Variants in KCNN2 observed in about 807,000 individuals in gnomAD.
KCNN2 encodes the protein potassium calcium-activated channel subfamily N member 2.
KCNN2 carries 24 observed loss-of-function variants against 55.5 expected under a neutral mutation model. That is an observed-to-expected ratio of 0.43 (90% CI 0.31 to 0.61). KCNN2 has a LOEUF of 0.61. Ranked by LOEUF, KCNN2 falls within the 20% of genes least tolerant of loss-of-function variation. KCNN2 has a pLI of 0.08. For missense variants in KCNN2, 754 were observed against 853.6 expected (o/e 0.88, Z 1.45); for synonymous variants, 431 against 336.1 (o/e 1.28, Z -3.09).
At chr5:114,094,834 C>G (rs964766258) in intron 1 of KCNN2, among the ~76,000 whole-genome samples, 6 of 152,042 alleles carry the variant, frequency 3.9e-5, no homozygotes, top group Admixed American at 2.0e-4. Flanking sequence ...ACTTAGGGTC[C>G]TCATTATTGA....
chr5:114,069,739 C>T (rs190468135), intron 1 of KCNN2, among the ~76,000 whole-genome samples: 2 of 152,300 alleles, frequency 1.3e-5, no homozygotes, highest in African/African-American at 2.4e-5. Context: ...CTACTCTCAG[C>T]ATCAAGCATG....
intron 2 of KCNN2, among the ~76,000 whole-genome samples, chr5:114,366,322 C>T (rs143524216): frequency 1.0e-3 from 154 of 152,172 alleles, no homozygotes; most frequent in African/African-American, 3.5e-3. Flanking sequence ...TTTTAAAATT[C>T]GGTTTATTTT....
chr5:114,171,472 A>G (rs973716458), intron 1 of KCNN2, among the ~76,000 whole-genome samples: 13 of 151,886 alleles, frequency 8.6e-5, no homozygotes, highest in Non-Finnish European at 1.9e-4. Context: ...TATTCGATTA[A>G]TATTTCTTTT....
intron 2 of KCNN2, among the ~76,000 whole-genome samples, chr5:114,273,800 C>T (rs1258326223): frequency 3.3e-5 from 5 of 152,074 alleles, no homozygotes; most frequent in Non-Finnish European, 7.4e-5. Context: ...CTGTAGGTTG[C>T]CTGTTCACTC....
chr5:114,220,404 A>G (rs923756850), intron 1 of KCNN2, among the ~76,000 whole-genome samples: 3 of 152,172 alleles, frequency 2.0e-5, no homozygotes, highest in Non-Finnish European at 4.4e-5. Flanking sequence ...CAAGAAGATT[A>G]AAGCCAAATT....
chr5:114,315,409 G>A (rs986641369), intron 2 of KCNN2, among the ~76,000 whole-genome samples: 12 of 147,468 alleles, frequency 8.1e-5, no homozygotes, highest in Non-Finnish European at 1.3e-4. Context: ...TACCACCCAT[G>A]GAAGGCAGAA....
At chr5:114,187,587 G>A (rs1414270154) in intron 1 of KCNN2, among the ~76,000 whole-genome samples, 1 of 136,662 alleles carries the variant, frequency 7.3e-6, no homozygotes, top group Non-Finnish European at 1.5e-5. Flanking sequence ...CTCACTGCAA[G>A]CTCCGCCTCC....
At chr5:114,260,711 A>G (rs1461948137) in intron 2 of KCNN2, among the ~76,000 whole-genome samples, 2 of 152,208 alleles carry the variant, frequency 1.3e-5, no homozygotes, top group Admixed American at 1.3e-4. Context: ...TCTGAGAACA[A>G]TTTAGGGATA....
intron 1 of KCNN2, among the ~76,000 whole-genome samples, chr5:114,142,605 C>T (rs1394158162): frequency 6.6e-6 from 1 of 152,118 alleles, no homozygotes; most frequent in East Asian, 1.9e-4. Flanking sequence ...ATCATGAGCT[C>T]CCATTCACAA....
Position 114,418,100 on chromosome 5 carries a change from A to G in KCNN2, c.1637+13244A>G, listed in dbSNP as rs147475837. Among the ~76,000 whole-genome samples, 44 of 152,162 alleles carry G rather than the reference A, an allele frequency of 2.9e-4. No individual in the cohort carries two copies. In the East Asian group the frequency reaches 8.3e-3, roughly 29 times the overall value. On this transcript the variant is annotated intron_variant, in intron 3 of 7. Transcript: ENST00000673685. Reference sequence around the variant, plus strand: ...TAAAGTGTTGAAATTTAACCCTACAAAGGGTCGTTATGAAGAAGATTACTA... The same window carrying G: ...TAAAGTGTTGAAATTTAACCCTACAGAGGGTCGTTATGAAGAAGATTACTA...
chr5:114,403,422 C>T (rs141869348), intron 2 of KCNN2, among the ~76,000 whole-genome samples: 31 of 152,334 alleles, frequency 2.0e-4, no homozygotes, highest in African/African-American at 7.5e-4. Context: ...GCAGCAATGA[C>T]AGTATCTTTG....
intron 1 of KCNN2, among the ~76,000 whole-genome samples, chr5:114,211,254 T>C (rs115271554): frequency 0.042 from 6,419 of 152,176 alleles, 171 homozygotes; most frequent in South Asian, 0.078. Flanking sequence ...TAAAAACACA[T>C]GCACAAGTAT....
At chr5:114,175,257 G>A (rs77232879) in intron 1 of KCNN2, among the ~76,000 whole-genome samples, 1,798 of 152,208 alleles carry the variant, frequency 0.012, 36 homozygotes, top group African/African-American at 0.04. Flanking sequence ...AACTTGCCAC[G>A]TATATGTATT....
chr5:114,098,394 C>G (rs920061336), intron 1 of KCNN2, among the ~76,000 whole-genome samples: 1 of 151,944 alleles, frequency 6.6e-6, no homozygotes. Context: ...AGGAACCAGG[C>G]TGCATGGCAA....
chr5:114,434,161 G>A (rs1395366382), intron 3 of KCNN2, among the ~76,000 whole-genome samples: 1 of 147,890 alleles, frequency 6.8e-6, no homozygotes, highest in Non-Finnish European at 1.5e-5. Flanking sequence ...ATCCTTTTTA[G>A]CATATCAGTT....
At chr5:114,475,658 C>A (rs1252143677) in intron 5 of KCNN2, among the ~76,000 whole-genome samples, 2 of 151,976 alleles carry the variant, frequency 1.3e-5, no homozygotes, top group Non-Finnish European at 2.9e-5. Context: ...ACTGACCACT[C>A]AGAAAATCAG....
chr5:114,273,050 T>C (rs1158030265), intron 2 of KCNN2, among the ~76,000 whole-genome samples: 1 of 151,986 alleles, frequency 6.6e-6, no homozygotes, highest in East Asian at 1.9e-4. Flanking sequence ...CCACAGGCCC[T>C]GGTATGTGAT....
chr5:114,129,967 CA>C (rs752181110), intron 1 of KCNN2, among the ~76,000 whole-genome samples: 1 of 152,156 alleles, frequency 6.6e-6, no homozygotes, highest in Non-Finnish European at 1.5e-5. Context: ...GAGTCACTCC[CA>C]TCTCTACTCT....
intron 1 of KCNN2, among the ~76,000 whole-genome samples, chr5:114,071,120 C>G (rs1230773702): frequency 6.6e-6 from 1 of 152,128 alleles, no homozygotes; most frequent in Non-Finnish European, 1.5e-5. Flanking sequence ...GTAGAATCTA[C>G]TCTGGCTAAT....
Sources: gnomAD v4.1 joint callset for allele counts (sites outside exome capture counted in the v4.1 genomes callset) on GRCh38, gnomAD v4.1.1 for gene constraint, MANE v1.5 for transcripts, NCBI Gene and HGNC (gene_info 2026-07-23, HGNC 2026-07-21) for gene names.